Variants in LIN28B observed in about 807,000 individuals in gnomAD.
The protein encoded by LIN28B is protein lin-28 homolog B.
LIN28B carries 5 observed loss-of-function variants against 21.9 expected under a neutral mutation model. That is an observed-to-expected ratio of 0.23 (90% CI 0.12 to 0.48). LIN28B has a LOEUF of 0.48. LIN28B is among the 20% of genes least tolerant of loss of function. The pLI, the probability that LIN28B is intolerant of heterozygous loss-of-function variation, is 0.98. For missense variants in LIN28B, 245 were observed against 310.5 expected, an observed-to-expected ratio of 0.79 and a Z score of 1.58; for synonymous variants, 109 against 111.3, an observed-to-expected ratio of 0.98 and a Z score of 0.13.
intron 1 of LIN28B, among the ~76,000 whole-genome samples, chr6:104,957,887 A>G (rs1158365150): frequency 1.3e-5 from 2 of 151,928 alleles, no homozygotes; most frequent in Admixed American, 6.5e-5. Flanking sequence ...TGTGATCGAT[A>G]GAACAGTGTG....
At chr6:105,067,088 G>T (rs548691064) in intron 3 of LIN28B, among the ~76,000 whole-genome samples, 1 of 152,072 alleles carries the variant, frequency 6.6e-6, no homozygotes, top group Admixed American at 6.5e-5. Flanking sequence ...TTAAGTTTTC[G>T]GCAAGGCTGC....
At chr6:105,038,036 T>C (rs1420293326) in intron 3 of LIN28B, among the ~76,000 whole-genome samples, 1 of 152,162 alleles carries the variant, frequency 6.6e-6, no homozygotes, top group South Asian at 2.1e-4. Flanking sequence ...ATTCCTGTGA[T>C]CTTAGGTTTG....
At chr6:105,051,905 G>T (rs929922081) in intron 3 of LIN28B, among the ~76,000 whole-genome samples, 1 of 152,166 alleles carries the variant, frequency 6.6e-6, no homozygotes, top group Non-Finnish European at 1.5e-5. Context: ...ATTAATAAAT[G>T]TATATAATGT....
chr6:104,992,251 G>T (rs1255166286), intron 2 of LIN28B, among the ~76,000 whole-genome samples: 1 of 151,836 alleles, frequency 6.6e-6, no homozygotes, highest in East Asian at 1.9e-4. Flanking sequence ...GTAGAGACAG[G>T]GTTTTTCCAT....
chr6:105,004,641 C>G (rs1282869280), intron 2 of LIN28B, among the ~76,000 whole-genome samples: 1 of 152,118 alleles, frequency 6.6e-6, no homozygotes, highest in Non-Finnish European at 1.5e-5. Context: ...TTGTTTGTGG[C>G]AGAATCACAG....
intron 2 of LIN28B, among the ~76,000 whole-genome samples, chr6:104,946,688 C>T (rs1026407622): frequency 6.6e-6 from 1 of 151,966 alleles, no homozygotes; most frequent in Non-Finnish European, 1.5e-5. Flanking sequence ...TATTTTAAAA[C>T]GTTTTCTCTT....
At chr6:105,012,735 T>A (rs914090267) in intron 2 of LIN28B, among the ~76,000 whole-genome samples, 4 of 152,172 alleles carry the variant, frequency 2.6e-5, no homozygotes. Context: ...ATATCTACAC[T>A]GTTTTCAGTT....
At chr6:104,976,834 A>G (rs1770105748) in intron 2 of LIN28B, among the ~76,000 whole-genome samples, 1 of 152,180 alleles carries the variant, frequency 6.6e-6, no homozygotes, top group Non-Finnish European at 1.5e-5. Context: ...GATGAAGCTC[A>G]AGCCAAGGTT....
rs2114433406 is a variant in LIN28B, at chr6:105,082,126, T to A, written c.*3343T>A. ...GCAGACTATAATGAAAACATTTTTA[T>A]ACTTGGGTTTCTAGTCTTCACTAGA... On this transcript the variant is annotated 3_prime_UTR_variant, in exon 4 of 4. Coordinates refer to ENST00000345080, the MANE Select transcript of LIN28B (RefSeq NM_001004317.4). The A allele has an allele frequency of 6.5e-6, 1 of 152,802 alleles. No homozygotes were observed. Among genetic ancestry groups the A allele is most frequent in the East Asian group, 1.9e-4 (1 of 5,194 alleles). 9.5% of individuals were successfully genotyped at this position (152,802 alleles called of 1,614,324 possible).
intron 3 of LIN28B, among the ~76,000 whole-genome samples, chr6:105,033,356 A>C (rs899818398): frequency 6.6e-6 from 1 of 152,132 alleles, no homozygotes; most frequent in Non-Finnish European, 1.5e-5. Flanking sequence ...TAATGTTTGT[A>C]TATAAGGTAG....
chr6:104,993,623 G>C (rs1770539123), intron 2 of LIN28B, among the ~76,000 whole-genome samples: 2 of 152,006 alleles, frequency 1.3e-5, no homozygotes, highest in African/African-American at 4.8e-5. Flanking sequence ...ATTGCTCGAG[G>C]CCAGGAGTTC....
At chr6:105,021,241 A>G (rs1771135790) in intron 2 of LIN28B, among the ~76,000 whole-genome samples, 1 of 152,146 alleles carries the variant, frequency 6.6e-6, no homozygotes, top group Non-Finnish European at 1.5e-5. Context: ...CATTGTGTAT[A>G]TATATACACC....
At chr6:105,038,900 C>T (rs1157797435) in intron 3 of LIN28B, among the ~76,000 whole-genome samples, 1 of 152,184 alleles carries the variant, frequency 6.6e-6, no homozygotes, top group Non-Finnish European at 1.5e-5. Context: ...ATTTCAAAGT[C>T]TGACAGTACC....
At chr6:105,036,526 A>T (rs1235923954) in intron 3 of LIN28B, among the ~76,000 whole-genome samples, 1 of 152,098 alleles carries the variant, frequency 6.6e-6, no homozygotes, top group Admixed American at 6.5e-5. Context: ...ACATTATCTT[A>T]GCAGATGCTC....
intron 3 of LIN28B, among the ~76,000 whole-genome samples, chr6:105,060,275 C>G (rs944006607): frequency 1.3e-5 from 2 of 148,980 alleles, no homozygotes; most frequent in African/African-American, 4.9e-5. Context: ...TTGTTTGTTT[C>G]TTTGTTGAGA....
At chr6:105,036,101 C>A (rs775743546) in intron 3 of LIN28B, among the ~76,000 whole-genome samples, 1 of 152,054 alleles carries the variant, frequency 6.6e-6, no homozygotes, top group Non-Finnish European at 1.5e-5. Context: ...TTCCTTATAT[C>A]TTTTACTTGT....
At position 104,951,752 on chromosome 6, in the gene LIN28B, C is replaced by CTTTGAATA. The variant is rs1778223651; in HGVS notation, c.67+1248_67+1255dup. 3.3e-5 allele frequency among the ~76,000 whole-genome samples: 5 copies of CTTTGAATA among 152,156 alleles called. No individual in the cohort carries two copies. In the South Asian group the frequency reaches 1.0e-3, roughly 32 times the overall value. On this transcript the variant is annotated intron_variant, in intron 3 of 5. Coordinates refer to the LIN28B transcript ENST00000635857. ...AGAGATTACATTTCAAGTTAAAAGA[C>CTTTGAATA]TTTGAATATTTGCTGGTCCAGTTTC...
At chr6:104,968,291 T>C (rs1043871292) in intron 2 of LIN28B, among the ~76,000 whole-genome samples, 16 of 152,244 alleles carry the variant, frequency 1.1e-4, no homozygotes, top group African/African-American at 3.1e-4. Flanking sequence ...TCTCTACCAA[T>C]TTAATTTTGG....
intron 2 of LIN28B, chr6:104,941,248 T>G (rs1778084984): frequency 6.6e-6 from 1 of 152,120 alleles, no homozygotes; most frequent in Non-Finnish European, 1.5e-5. Flanking sequence ...CGCCGCGTCT[T>G]TCCTTCGCCG....
Sources: allele counts gnomAD v4.1 joint callset (sites outside exome capture counted in the v4.1 genomes callset), GRCh38; gene constraint gnomAD v4.1.1; transcripts MANE v1.5; gene names NCBI Gene and HGNC (gene_info 2026-07-23, HGNC 2026-07-21).